The following NLK variants were observed in gnomAD, a reference collection of about 807,000 sequenced individuals.
NLK encodes nemo like kinase.
A neutral mutation model predicts 59.0 loss-of-function variants in NLK; 11 were observed. The observed-to-expected ratio is 0.19, with a 90% CI of 0.12 to 0.31. NLK has a LOEUF of 0.31. NLK is among the 10% of genes least tolerant of loss of function. The pLI is 1.00. For synonymous variants in NLK, 235 were observed against 235.9 expected (o/e 1.00, Z 0.03); for missense variants, 410 against 661.1 (o/e 0.62, Z 4.16).
chr17:28,108,553 T>A (rs1470880213), intron 1 of NLK, among the ~76,000 whole-genome samples: 1 of 152,214 alleles, frequency 6.6e-6, no homozygotes, highest in Non-Finnish European at 1.5e-5. Flanking sequence ...AAGTAAAGCA[T>A]GTTACTGTAT....
intron 1 of NLK, among the ~76,000 whole-genome samples, chr17:28,081,355 A>T (rs1306181914): frequency 6.9e-6 from 1 of 144,446 alleles, no homozygotes; most frequent in Non-Finnish European, 1.5e-5. Context: ...CAGCTAATTT[A>T]AAAAAAAAAA....
chr17:28,053,402 C>T (rs1909327981), intron 1 of NLK, among the ~76,000 whole-genome samples: 1 of 152,082 alleles, frequency 6.6e-6, no homozygotes, highest in African/African-American at 2.4e-5. Context: ...GCTTTGTTTG[C>T]CTAAAGTAGC....
chr17:28,068,477 A>G (rs958674026), intron 1 of NLK, among the ~76,000 whole-genome samples: 7 of 152,060 alleles, frequency 4.6e-5, no homozygotes, highest in Non-Finnish European at 7.4e-5. Flanking sequence ...CTATCTTGTG[A>G]TATAATTTTG....
At chr17:28,109,878 T>C (rs1376099644) in intron 1 of NLK, among the ~76,000 whole-genome samples, 3 of 152,218 alleles carry the variant, frequency 2.0e-5, no homozygotes, top group Non-Finnish European at 2.9e-5. Context: ...AAGTTTATGT[T>C]TAACTTTTTA....
At chr17:28,110,907 G>C (rs1348313967) in intron 1 of NLK, among the ~76,000 whole-genome samples, 5 of 149,126 alleles carry the variant, frequency 3.4e-5, no homozygotes, top group East Asian at 4.0e-4. Context: ...TGCAGTGGCG[G>C]GATCTCGGCT....
intron 7 of NLK, among the ~76,000 whole-genome samples, chr17:28,179,480 C>T (rs1020670034): frequency 6.6e-6 from 1 of 150,904 alleles, no homozygotes; most frequent in Non-Finnish European, 1.5e-5. Flanking sequence ...CCTGTAATTC[C>T]AGCACTTTGG....
downstream of NLK, among the ~76,000 whole-genome samples, chr17:28,199,396 T>C (rs1909562439): frequency 6.6e-6 from 1 of 152,058 alleles, no homozygotes; most frequent in South Asian, 2.1e-4. Flanking sequence ...CTGGGTGCAG[T>C]GGCTCACACC....
chr17:28,121,806 C>G (rs1555561605), intron 1 of NLK, among the ~76,000 whole-genome samples: 2 of 151,994 alleles, frequency 1.3e-5, no homozygotes, highest in Non-Finnish European at 2.9e-5. Context: ...GCCTGACATT[C>G]TTTTACCTAT....
chr17:28,053,129 T>C (rs557830547), intron 1 of NLK, among the ~76,000 whole-genome samples: 3 of 152,216 alleles, frequency 2.0e-5, no homozygotes, highest in African/African-American at 7.2e-5. Context: ...TCACTGTCAA[T>C]GAAGGTAAGA....
intron 1 of NLK, among the ~76,000 whole-genome samples, chr17:28,110,270 G>A (rs776123411): frequency 3.9e-5 from 6 of 151,994 alleles, no homozygotes; most frequent in Admixed American, 1.3e-4. Context: ...TTGAAGGATA[G>A]GATCTTCTTA....
the NLK span, among the ~76,000 whole-genome samples, chr17:28,201,593 T>A: frequency 6.6e-6 from 1 of 151,986 alleles, no homozygotes. Flanking sequence ...TACTAGCCAA[T>A]TGAACTCAGG....
intron 1 of NLK, among the ~76,000 whole-genome samples, chr17:28,111,896 G>GTGTGTGT (rs1394476582): frequency 1.2e-4 from 8 of 67,542 alleles, no homozygotes; most frequent in South Asian, 6.1e-4. Context: ...GTGTGTGTGT[G>GTGTGTGT]GTGTGTGTGT....
intron 2 of NLK, among the ~76,000 whole-genome samples, chr17:28,129,880 A>G (rs1028583038): frequency 6.6e-6 from 1 of 152,210 alleles, no homozygotes; most frequent in African/African-American, 2.4e-5. Context: ...TAACCAGTTT[A>G]TAGTGAATCT....
At chr17:28,063,476 G>T (rs1333973774) in intron 1 of NLK, among the ~76,000 whole-genome samples, 1 of 151,858 alleles carries the variant, frequency 6.6e-6, no homozygotes, top group African/African-American at 2.4e-5. Context: ...CGGGGTTTGG[G>T]TTTAAAAAAC....
chr17:28,071,077 C>T (rs1909992299), intron 1 of NLK, among the ~76,000 whole-genome samples: 1 of 152,174 alleles, frequency 6.6e-6, no homozygotes, highest in Non-Finnish European at 1.5e-5. Flanking sequence ...TCAGCATCAT[C>T]CCTTGCCTCC....
At chr17:28,188,925 G>T (rs576362606) in intron 8 of NLK, among the ~76,000 whole-genome samples, 2 of 151,926 alleles carry the variant, frequency 1.3e-5, no homozygotes, top group South Asian at 2.1e-4. Context: ...TCAATTACTT[G>T]ATTCAGTCTA....
intron 1 of NLK, among the ~76,000 whole-genome samples, chr17:28,102,538 A>G (rs1371020769): frequency 6.6e-6 from 1 of 151,690 alleles, no homozygotes; most frequent in Admixed American, 6.6e-5. Flanking sequence ...AGTCCCAGCT[A>G]TGCGGGAGGC....
chr17:28,049,778 C>T (rs1909184417), intron 1 of NLK, among the ~76,000 whole-genome samples: 1 of 152,096 alleles, frequency 6.6e-6, no homozygotes, highest in Non-Finnish European at 1.5e-5. Flanking sequence ...GTCAGGAGTT[C>T]AAGACCCTCC....
chr17:28,166,932 C>G (rs944631503), intron 5 of NLK, among the ~76,000 whole-genome samples: 1 of 151,970 alleles, frequency 6.6e-6, no homozygotes, highest in African/African-American at 2.4e-5. Context: ...ATGAATGAAC[C>G]CCATAGCATT....
Sources: allele counts gnomAD v4.1 joint callset (sites outside exome capture counted in the v4.1 genomes callset), GRCh38; gene constraint gnomAD v4.1.1; transcripts MANE v1.5; gene names NCBI Gene and HGNC (gene_info 2026-07-23, HGNC 2026-07-21).